NRXN3: variants seen among roughly 807,000 people sequenced by gnomAD.
NRXN3 encodes the protein neurexin 3.
NRXN3 carries 32 observed loss-of-function variants against 137.6 expected under a neutral mutation model. The ratio of observed to expected loss-of-function variants is 0.23; its 90% CI spans 0.18 to 0.31. The LOEUF (loss-of-function observed/expected upper bound fraction) is 0.31. NRXN3 is among the 10% of genes least tolerant of loss of function. The probability of loss-of-function intolerance (pLI) is 1.00; values close to 1 mark genes in which losing one functional copy is unlikely to be tolerated. For synonymous variants in NRXN3, 798 were observed against 784.5 expected (o/e 1.02, Z -0.29); for missense variants, 1,574 against 2,062.5 (o/e 0.76, Z 4.59).
intron 4 of NRXN3, among the ~76,000 whole-genome samples, chr14:78,459,296 C>G (rs2094847874): frequency 6.6e-6 from 1 of 152,148 alleles, no homozygotes. Flanking sequence ...AGGTACCTTT[C>G]TTGAAAATGA....
At chr14:78,635,803 A>T (rs1030993568) in intron 4 of NRXN3, among the ~76,000 whole-genome samples, 3 of 152,208 alleles carry the variant, frequency 2.0e-5, no homozygotes, top group African/African-American at 7.2e-5. Flanking sequence ...TCAAAATTCT[A>T]TGTGAAACTT....
At chr14:78,788,228 G>A (rs1595867488) in intron 8 of NRXN3, among the ~76,000 whole-genome samples, 3 of 151,402 alleles carry the variant, frequency 2.0e-5, no homozygotes, top group South Asian at 4.2e-4. Flanking sequence ...AGACCTCAAG[G>A]AAATTCAAAC....
intron 4 of NRXN3, among the ~76,000 whole-genome samples, chr14:78,327,378 TCTC>T (rs1242479453): frequency 6.6e-6 from 1 of 152,140 alleles, no homozygotes; most frequent in East Asian, 1.9e-4. Flanking sequence ...CACTGGCTCA[TCTC>T]CTGAGGTTGT....
chr14:79,388,715 T>C (rs2094732739), intron 15 of NRXN3, among the ~76,000 whole-genome samples: 1 of 152,140 alleles, frequency 6.6e-6, no homozygotes, highest in South Asian at 2.1e-4. Flanking sequence ...ACAGATACTC[T>C]AGAGGGAGAG....
intron 10 of NRXN3, among the ~76,000 whole-genome samples, chr14:78,880,517 G>T (rs2099126140): frequency 6.6e-6 from 1 of 152,020 alleles, no homozygotes; most frequent in Non-Finnish European, 1.5e-5. Flanking sequence ...CAAAGAAACT[G>T]ATATCCCAAT....
intron 10 of NRXN3, among the ~76,000 whole-genome samples, chr14:78,819,630 G>A (rs1465518754): frequency 6.6e-6 from 1 of 152,130 alleles, no homozygotes; most frequent in Non-Finnish European, 1.5e-5. Flanking sequence ...TTGAAAATTA[G>A]GAGGTATTAT....
At chr14:79,689,295 G>A (rs1337658202) in intron 17 of NRXN3, among the ~76,000 whole-genome samples, 2 of 152,074 alleles carry the variant, frequency 1.3e-5, no homozygotes, top group Non-Finnish European at 1.5e-5. Context: ...GAGTAGCCCT[G>A]TATAAGAATA....
chr14:79,415,669 G>A (rs1427409864), intron 15 of NRXN3, among the ~76,000 whole-genome samples: 1 of 152,088 alleles, frequency 6.6e-6, no homozygotes, highest in Admixed American at 6.6e-5. Context: ...ACCCATGCCT[G>A]TCACTCTATG....
intron 15 of NRXN3, among the ~76,000 whole-genome samples, chr14:79,153,369 C>A (rs1406009103): frequency 6.6e-6 from 1 of 151,796 alleles, no homozygotes; most frequent in Non-Finnish European, 1.5e-5. Context: ...GGAAGAGAAG[C>A]AGAATACTTA....
intron 1 of NRXN3, among the ~76,000 whole-genome samples, chr14:78,235,936 T>C (rs1407791361): frequency 2.6e-5 from 4 of 152,202 alleles, no homozygotes; most frequent in East Asian, 3.8e-4. Flanking sequence ...TTGCAAAGCA[T>C]GGTGGATATT....
intron 16 of NRXN3, among the ~76,000 whole-genome samples, chr14:79,555,412 G>C (rs1329194901): frequency 1.3e-5 from 2 of 152,166 alleles, no homozygotes; most frequent in Non-Finnish European, 2.9e-5. Flanking sequence ...TTTGCTGAGA[G>C]TGTATGTGGG....
intron 15 of NRXN3, among the ~76,000 whole-genome samples, chr14:79,085,206 A>C (rs1439851190): frequency 6.6e-6 from 1 of 152,208 alleles, no homozygotes; most frequent in Non-Finnish European, 1.5e-5. Flanking sequence ...TCGAAGTTTT[A>C]AAGTATGTAA....
chr14:79,422,421 C>T (rs2095591705), intron 15 of NRXN3, among the ~76,000 whole-genome samples: 1 of 152,112 alleles, frequency 6.6e-6, no homozygotes, highest in East Asian at 1.9e-4. Context: ...GATTAGTGAA[C>T]CACATTTTGA....
intron 15 of NRXN3, among the ~76,000 whole-genome samples, chr14:79,144,241 C>T (rs532007383): frequency 6.6e-6 from 1 of 152,142 alleles, no homozygotes. Context: ...CCCCACCATG[C>T]CCATTGTACA....
At chr14:79,856,258 A>G (rs2099402273) in intron 20 of NRXN3, among the ~76,000 whole-genome samples, 1 of 151,898 alleles carries the variant, frequency 6.6e-6, no homozygotes, top group Non-Finnish European at 1.5e-5. Context: ...GTCCATGACT[A>G]TTTTTTCCCG....
At chr14:79,458,100 C>T (rs75604414) in intron 15 of NRXN3, among the ~76,000 whole-genome samples, 4 of 152,068 alleles carry the variant, frequency 2.6e-5, no homozygotes, top group Admixed American at 1.3e-4. Flanking sequence ...AAAGATGTCA[C>T]GTTGCTTTTC....
intron 15 of NRXN3, among the ~76,000 whole-genome samples, chr14:79,227,380 C>T (rs1461232128): frequency 6.6e-6 from 1 of 152,082 alleles, no homozygotes; most frequent in African/African-American, 2.4e-5. Flanking sequence ...TACACTTTCC[C>T]TACATGGTGT....
chr14:79,304,056 T>C (rs766671254), intron 15 of NRXN3, among the ~76,000 whole-genome samples: 3 of 152,020 alleles, frequency 2.0e-5, no homozygotes, highest in Non-Finnish European at 1.5e-5. Flanking sequence ...AAATTCCTAC[T>C]CAAGAACTAC....
intron 15 of NRXN3, chr14:79,279,687 C>T (rs1846059169): frequency 2.0e-6 from 2 of 986,054 alleles, no homozygotes; most frequent in African/African-American, 1.7e-5. Flanking sequence ...TCCAGCACGC[C>T]CAGGGTTAAA....
Sources: gnomAD v4.1 joint callset for allele counts (sites outside exome capture counted in the v4.1 genomes callset) on GRCh38, gnomAD v4.1.1 for gene constraint, MANE v1.5 for transcripts, NCBI Gene and HGNC (gene_info 2026-07-23, HGNC 2026-07-21) for gene names.